The following TNIP2 variants were observed in gnomAD, a reference collection of about 807,000 sequenced individuals.
TNIP2 encodes the protein TNFAIP3 interacting protein 2.
In TNIP2, 30 loss-of-function variants were observed where a neutral mutation model predicts 43.7. That is an observed-to-expected ratio of 0.69 (90% CI 0.51 to 0.93). TNIP2 has a LOEUF of 0.93. Ranked by LOEUF, TNIP2 falls within the 40% of genes least tolerant of loss-of-function variation. The probability of loss-of-function intolerance (pLI) is 0.00; values close to 1 mark genes in which losing one functional copy is unlikely to be tolerated. For missense variants in TNIP2, 599 were observed against 591.0 expected, an observed-to-expected ratio of 1.01 and a Z score of -0.14; for synonymous variants, 260 against 254.6, an observed-to-expected ratio of 1.02 and a Z score of -0.20.
rs749611330 is a variant in TNIP2, at chr4:2,744,810, T to C, written c.793A>G (p.Asn265Asp). The C allele has an allele frequency of 1.2e-6, 2 of 1,613,576 alleles. No homozygotes were observed. Among genetic ancestry groups the C allele is most frequent in the Non-Finnish European group, 1.7e-6 (2 of 1,180,054 alleles). Residue 265 changes from asparagine to aspartate, a missense_variant, in exon 4 of 6, where the codon AAC becomes GAC. Physicochemically the swap from Asn to Asp is conservative, Grantham distance 23. Coordinates refer to ENST00000315423, the MANE Select transcript of TNIP2 (RefSeq NM_024309.4). The surrounding 1 kb of genome is among the most constrained non-coding windows in gnomAD (Gnocchi z 5.1). ...TTTATTTTCTCTTCCAACTGTCTGT[T>C]GAGCCGGGAGATCTCCTTCCTCATC... ...ELMRKEISRL[N>D]RQLEEKINDC...
Position 2,745,548 on chromosome 4 carries a change from G to C in TNIP2, c.568-13C>G, listed in dbSNP as rs751906345. On this transcript the variant is annotated splice_polypyrimidine_tract_variant and intron_variant, in intron 2 of 5. Coordinates refer to ENST00000315423, the MANE Select transcript of TNIP2 (RefSeq NM_024309.4). ...CTGTGTGTTCCGACTGCATGAGGAA[G>C]GGACAGAGAGAAGACACTCTGTCAC... 2 of 1,599,060 alleles carry C rather than the reference G, an allele frequency of 1.3e-6. No homozygotes were observed. The highest frequency in any genetic ancestry group is 1.7e-6 in the Non-Finnish European group (2 of 1,166,956).
In TNIP2 at chr4:2,756,273, C is replaced by A; in HGVS notation, c.17G>T (p.Gly6Val). The part of the protein sequence containing the change: MSRDP[G>V]SGGWEEAPRA... Reference sequence around the variant, plus strand: ...CGGGGCCTCCTCCCAGCCGCCCGACCCCGGGTCCCGGGACATGGCTGTAGG... The same window carrying A: ...CGGGGCCTCCTCCCAGCCGCCCGACACCGGGTCCCGGGACATGGCTGTAGG... The change falls in exon 1 of 6, where the codon GGG becomes GTG. Residue 6 changes from glycine to valine, a missense_variant. By Grantham distance (109) the Gly-to-Val change is moderately radical. Coordinates refer to ENST00000315423, the MANE Select transcript of TNIP2 (RefSeq NM_024309.4). 1 of 1,418,342 alleles carries A rather than the reference C, an allele frequency of 7.1e-7. No homozygotes were observed. The highest frequency in any genetic ancestry group is 9.2e-7 in the Non-Finnish European group (1 of 1,089,764). 87.9% of individuals were successfully genotyped at this position (1,418,342 alleles called of 1,614,324 possible).
At chr4:2,755,194 C>G (rs1417204736) in intron 1 of TNIP2, among the ~76,000 whole-genome samples, 1 of 151,960 alleles carries the variant, frequency 6.6e-6, no homozygotes, top group Non-Finnish European at 1.5e-5. Flanking sequence ...CGTACACACA[C>G]ACACCATACA....
chr4:2,748,516 G>A (rs1722014358), intron 1 of TNIP2, among the ~76,000 whole-genome samples: 1 of 151,466 alleles, frequency 6.6e-6, no homozygotes, highest in Admixed American at 6.6e-5. Context: ...CTAATTTTTT[G>A]TATTTTTAGT....
At chr4:2,745,340 T>C in intron 3 of TNIP2, 106 bp downstream of exon 3, 2 of 832,810 alleles carry the variant, frequency 2.4e-6, no homozygotes, top group Non-Finnish European at 4.0e-6. Flanking sequence ...CAAGTCCTAG[T>C]GGCCAGAGGG....
chr4:2,750,698 A>G (rs10937913), intron 1 of TNIP2, among the ~76,000 whole-genome samples: 82,581 of 149,990 alleles, frequency 0.55, 23,409 homozygotes, highest in Admixed American at 0.66. Flanking sequence ...TTTTTTGATA[A>G]AGACAGGGTG....
rs764627360 is a variant in TNIP2 at position 2,742,496 on chromosome 4, G to A, written c.1051C>T (p.Arg351Trp). 1.1e-5 allele frequency: 18 copies of A among 1,597,444 alleles called. No individual in the cohort carries two copies. The highest frequency in any genetic ancestry group is 1.4e-5 in the Non-Finnish European group (16 of 1,169,102). ...RQDSREPDAGRIHAGSKTAKY... is the reference protein window; with the variant it reads ...RQDSREPDAGWIHAGSKTAKY... ...GCAGTTTTGCTCCCAGCGTGAATCC[G>A]GCCGGCGTCTGGCTCTCGAGAATCC... The change falls in exon 6 of 6, where the codon CGG becomes TGG. Residue 351 changes from arginine to tryptophan, a missense_variant. Coordinates refer to ENST00000315423, the MANE Select transcript of TNIP2 (RefSeq NM_024309.4).
chr4:2,756,202 G>A lies in TNIP2; in HGVS notation c.88C>T (p.Arg30Trp). 1 of 1,474,630 alleles carries A rather than the reference G, an allele frequency of 6.8e-7. No individual in the cohort carries two copies. Among genetic ancestry groups the A allele is most frequent in the Non-Finnish European group, 8.9e-7 (1 of 1,120,974 alleles). The allele number at this position is 1,474,630 out of a possible 1,614,324, so 91.3% of individuals were successfully genotyped here. A position where few individuals can be genotyped will look rare whatever the true frequency, so the allele number is the denominator to read the frequency against. ...AGCTGGTCCTGCAGGCGGCGCAGCC[G>A]CTGTCCGGCCTCGTGGTACAGGGTG... ...LCTLYHEAGQ[R>W]LRRLQDQLAA... The change falls in exon 1 of 6, where the codon CGG becomes TGG. Residue 30 changes from arginine (R) to tryptophan (W), a missense_variant. Coordinates refer to ENST00000315423, the MANE Select transcript of TNIP2 (RefSeq NM_024309.4).
Position 2,743,836 on chromosome 4 carries a change from C to A in TNIP2, c.1026+551G>T, listed in dbSNP as rs180889093. Among the ~76,000 whole-genome samples, 7 of 152,288 alleles carry A rather than the reference C, an allele frequency of 4.6e-5. No individual in the cohort carries two copies. The East Asian group carries it at 1.3e-3, about 29-fold the overall frequency. ...CAAGTCAGTGAGGAGAAGGAAGAGGCCATGGGTCACACACTGAGGAACTTC... is the reference window on the plus strand; with the variant it reads ...CAAGTCAGTGAGGAGAAGGAAGAGGACATGGGTCACACACTGAGGAACTTC... On this transcript the variant is annotated intron_variant, in intron 5 of 5. Transcript: ENST00000315423.
Position 2,742,209 on chromosome 4 carries a change from G to C in TNIP2, c.*48C>G. ...TGAGAGCACCCACCCTGTCCCTGAG[G>C]GCAGCTGCACCGGGCCAGGAGGCCG... On this transcript the variant is annotated 3_prime_UTR_variant, in exon 6 of 6. Transcript: ENST00000315423. 1 of 1,407,556 alleles carries C rather than the reference G, an allele frequency of 7.1e-7. No individual in the cohort carries two copies. The highest frequency in any genetic ancestry group is 9.3e-7 in the Non-Finnish European group (1 of 1,073,248). 87.2% of individuals were successfully genotyped at this position (1,407,556 alleles called of 1,614,324 possible).
Position 2,756,240 on chromosome 4 carries a change from G to T in TNIP2, c.50C>A (p.Ala17Asp), listed in dbSNP as rs1048696712. 8.3e-6 allele frequency: 12 copies of T among 1,452,568 alleles called. No individual in the cohort carries two copies. The highest frequency in any genetic ancestry group is 9.0e-7 in the Non-Finnish European group (1 of 1,108,156). The allele number at this position is 1,452,568 out of a possible 1,614,324, so 90.0% of individuals were successfully genotyped here. A position where few individuals can be genotyped will look rare whatever the true frequency, so the allele number is the denominator to read the frequency against. ...GTGGTACAGGGTGCAGAGCGCGGCAGCTGCGCGCGGGGCCTCCTCCCAGCC... is the reference window on the plus strand; with the variant it reads ...GTGGTACAGGGTGCAGAGCGCGGCATCTGCGCGCGGGGCCTCCTCCCAGCC... ...SGGWEEAPRA[A>D]AALCTLYHEA... Residue 17 changes from alanine to aspartate, a missense_variant, in exon 1 of 6, where the codon GCT (alanine) becomes GAT (aspartate). By Grantham distance (126) the Ala-to-Asp change is moderately radical. Coordinates refer to ENST00000315423, the MANE Select transcript of TNIP2 (RefSeq NM_024309.4).
Position 2,744,745 on chromosome 4 carries a change from C to T in TNIP2, c.858G>A (p.Arg286=), listed in dbSNP as rs534274334. 114 of 1,608,220 alleles carry T rather than the reference C, an allele frequency of 7.1e-5. No individual in the cohort carries two copies. In the East Asian group the frequency reaches 2.5e-3, roughly 36 times the overall value. ...AEVKQELAAS[R]TARDAALERV... Reference sequence around the variant, plus strand: ...GCTCCAACGCAGCATCCCGGGCCGTCCTGGAGGCCGCCAGCTCCTGCTTCA... The same window carrying T: ...GCTCCAACGCAGCATCCCGGGCCGTTCTGGAGGCCGCCAGCTCCTGCTTCA... The change falls in exon 4 of 6, where the codon AGG becomes AGA. Residue 286 remains arginine (R), a synonymous_variant. Coordinates refer to ENST00000315423, the MANE Select transcript of TNIP2 (RefSeq NM_024309.4). The surrounding 1 kb of genome is among the most constrained non-coding windows in gnomAD (Gnocchi z 5.1).
At position 2,742,362 on chromosome 4, in the gene TNIP2, C is replaced by T. The variant is rs755280243; in HGVS notation, c.1185G>A (p.Ala395=). ...EPPAEGGHPG[A]AQRGQGDLQC... is the part of the protein sequence containing the mutation. ...GAAGGTCCCCCTGGCCTCTCTGGGC[C>T]GCGCCAGGATGCCCGCCCTCTGCAG... Residue 395 remains alanine (A), a synonymous_variant, in exon 6 of 6, where the codon GCG becomes GCA. Coordinates refer to ENST00000315423, the MANE Select transcript of TNIP2 (RefSeq NM_024309.4). 1.2e-5 allele frequency: 19 copies of T among 1,600,656 alleles called. No individual in the cohort carries two copies. The East Asian group carries it at 2.3e-4, about 19-fold the overall frequency.
intron 1 of TNIP2, among the ~76,000 whole-genome samples, chr4:2,754,213 C>T (rs1424107993): frequency 6.6e-6 from 1 of 152,198 alleles, no homozygotes; most frequent in African/African-American, 2.4e-5. Context: ...GGCTTAGTTT[C>T]TTTCCTGGGC....
chr4:2,754,365 C>G (rs575184260), intron 1 of TNIP2, among the ~76,000 whole-genome samples: 1 of 152,372 alleles, frequency 6.6e-6, no homozygotes, highest in Admixed American at 6.5e-5. Context: ...CATCAAAAAA[C>G]AGACATAAAC....
At chr4:2,755,313 C>A (rs956991269) in intron 1 of TNIP2, among the ~76,000 whole-genome samples, 4 of 151,534 alleles carry the variant, frequency 2.6e-5, no homozygotes, top group Non-Finnish European at 4.4e-5. Flanking sequence ...ATACACACAC[C>A]CCCCTCGGAA....
chr4:2,743,210 G>A (rs3733226), intron 5 of TNIP2, among the ~76,000 whole-genome samples: 5,234 of 152,190 alleles, frequency 0.034, 112 homozygotes, highest in South Asian at 0.069. Flanking sequence ...GCCATCTAGG[G>A]ACTGAGCAAC....
intron 1 of TNIP2, among the ~76,000 whole-genome samples, chr4:2,753,721 G>A (rs1722157884): frequency 1.3e-5 from 2 of 152,092 alleles, no homozygotes; most frequent in Admixed American, 6.6e-5. Flanking sequence ...GTGTCCTTCC[G>A]GGTCCTTGGT....
At chr4:2,753,830 G>GT (rs1190380917) in intron 1 of TNIP2, among the ~76,000 whole-genome samples, 6 of 152,216 alleles carry the variant, frequency 3.9e-5, no homozygotes, top group Admixed American at 2.0e-4. Context: ...GAGTCAGGAT[G>GT]TACCTTCCAG....
Sources: allele counts gnomAD v4.1 joint callset (sites outside exome capture counted in the v4.1 genomes callset), GRCh38; gene constraint gnomAD v4.1.1; non-coding constraint Gnocchi (gnomAD v3.1); transcripts MANE v1.5; gene names NCBI Gene and HGNC (gene_info 2026-07-23, HGNC 2026-07-21).